Variants in CPNE4 observed in about 807,000 individuals in gnomAD.
The protein encoded by CPNE4 is copine-4.
A neutral mutation model predicts 67.9 loss-of-function variants in CPNE4; 25 were observed. The ratio of observed to expected loss-of-function variants is 0.37; its 90% CI spans 0.27 to 0.51. CPNE4 has a LOEUF of 0.51. Among genes scored for constraint, CPNE4 ranks in the 20% least tolerant of loss-of-function variants. The probability of loss-of-function intolerance (pLI) is 0.93; values close to 1 mark genes in which losing one functional copy is unlikely to be tolerated. For synonymous variants in CPNE4, 242 were observed against 244.9 expected, an observed-to-expected ratio of 0.99 and a Z score of 0.11; for missense variants, 464 against 690.8, an observed-to-expected ratio of 0.67 and a Z score of 3.68.
At chr3:131,607,669 A>G (rs1939585061) in intron 7 of CPNE4, among the ~76,000 whole-genome samples, 1 of 152,176 alleles carries the variant, frequency 6.6e-6, no homozygotes, top group South Asian at 2.1e-4. Context: ...GTGGCAAAGC[A>G]TTTTAAAAGT....
chr3:131,968,746 T>C (rs1450524389), intron 1 of CPNE4, among the ~76,000 whole-genome samples: 1 of 152,178 alleles, frequency 6.6e-6, no homozygotes, highest in Non-Finnish European at 1.5e-5. Context: ...AACACTTTTT[T>C]ACACTGTTGG....
At chr3:131,545,234 T>C (rs1273265565) in intron 14 of CPNE4, among the ~76,000 whole-genome samples, 1 of 152,220 alleles carries the variant, frequency 6.6e-6, no homozygotes, top group Non-Finnish European at 1.5e-5. Flanking sequence ...ACAAATATTA[T>C]TCTACTTTTG....
At chr3:131,956,574 AATGTAT>A (rs2071979590) in intron 1 of CPNE4, among the ~76,000 whole-genome samples, 1 of 144,010 alleles carries the variant, frequency 6.9e-6, no homozygotes, top group South Asian at 2.3e-4. Flanking sequence ...AATTATCATA[AATGTAT>A]AGAAAAATGT....
intron 5 of CPNE4, among the ~76,000 whole-genome samples, chr3:131,693,632 TTA>T (rs1391693115): frequency 1.3e-4 from 20 of 152,070 alleles, no homozygotes; most frequent in Non-Finnish European, 2.6e-4. Flanking sequence ...ATAAAGAAAA[TTA>T]TGTCTTGGCA....
In CPNE4 at chr3:131,995,984, A is replaced by G. The variant is rs536416252; in HGVS notation, c.-2+38583T>C. Among the ~76,000 whole-genome samples the G allele has an allele frequency of 3.4e-3, 525 of 152,322 alleles. 3 individuals carry two copies. The highest frequency in any genetic ancestry group is 0.012 in the African/African-American group (511 of 41,570). On this transcript the variant is annotated intron_variant, in intron 1 of 15. Transcript: ENST00000429747. ...TCACATGCATCACAGTTAGGACTCC[A>G]TGGCTCATGCTACTGAATTTAGAAG...
At chr3:131,874,278 C>CG (rs1317129984) in intron 2 of CPNE4, among the ~76,000 whole-genome samples, 2 of 152,144 alleles carry the variant, frequency 1.3e-5, no homozygotes, top group African/African-American at 2.4e-5. Context: ...TCAGTAGAGA[C>CG]GGGGTTGCAC....
At chr3:131,748,650 T>G (rs1223690774) in intron 2 of CPNE4, among the ~76,000 whole-genome samples, 1 of 152,124 alleles carries the variant, frequency 6.6e-6, no homozygotes, top group Non-Finnish European at 1.5e-5. Context: ...TTTGGGTTAA[T>G]TTTTGCAGTT....
At chr3:132,009,101 T>C (rs1269616217) in intron 1 of CPNE4, among the ~76,000 whole-genome samples, 1 of 152,104 alleles carries the variant, frequency 6.6e-6, no homozygotes, top group Non-Finnish European at 1.5e-5. Flanking sequence ...TAATAGAAGG[T>C]GGACTTCAGC....
At chr3:131,567,487 T>C (rs1220909795) in intron 10 of CPNE4, among the ~76,000 whole-genome samples, 2 of 151,986 alleles carry the variant, frequency 1.3e-5, no homozygotes, top group African/African-American at 4.8e-5. Context: ...AAGGAGGCAC[T>C]CACTCTCAGC....
intron 6 of CPNE4, among the ~76,000 whole-genome samples, chr3:131,670,150 G>T (rs1437458757): frequency 1.3e-5 from 2 of 152,188 alleles, no homozygotes; most frequent in East Asian, 3.9e-4. Flanking sequence ...CTTCTCTTGG[G>T]GTCAGCAAAG....
intron 7 of CPNE4, among the ~76,000 whole-genome samples, chr3:131,593,442 T>C (rs1412416207): frequency 1.5e-4 from 23 of 152,220 alleles, no homozygotes; most frequent in Non-Finnish European, 1.0e-4. Flanking sequence ...AAGTATTTTC[T>C]TAATTTCCTT....
intron 7 of CPNE4, among the ~76,000 whole-genome samples, chr3:131,667,311 TCC>T (rs1023479616): frequency 6.6e-6 from 1 of 152,212 alleles, no homozygotes; most frequent in Non-Finnish European, 1.5e-5. Context: ...TTAACAAGGC[TCC>T]CAGGTGACTC....
At chr3:131,554,251 C>T (rs190150182) in intron 12 of CPNE4, among the ~76,000 whole-genome samples, 1 of 152,224 alleles carries the variant, frequency 6.6e-6, no homozygotes, top group Non-Finnish European at 1.5e-5. Flanking sequence ...TATATCTCCT[C>T]AGCTCCAGCT....
At chr3:131,633,224 T>C (rs60699409) in intron 7 of CPNE4, among the ~76,000 whole-genome samples, 41,766 of 152,068 alleles carry the variant, frequency 0.27, 9,485 homozygotes, top group African/African-American at 0.63. Context: ...TAGTCCATTC[T>C]ACCATCATTT....
intron 1 of CPNE4, among the ~76,000 whole-genome samples, chr3:131,941,638 T>C (rs935948706): frequency 6.6e-6 from 1 of 152,086 alleles, no homozygotes. Flanking sequence ...TATTATAAAG[T>C]GATTCAATAA....
At chr3:131,568,139 T>G (rs1450811784) in intron 10 of CPNE4, among the ~76,000 whole-genome samples, 1 of 152,020 alleles carries the variant, frequency 6.6e-6, no homozygotes, top group East Asian at 1.9e-4. Flanking sequence ...TAAAAAAATT[T>G]TATCATGTGA....
intron 7 of CPNE4, among the ~76,000 whole-genome samples, chr3:131,633,196 T>C (rs2079279303): frequency 6.6e-6 from 1 of 152,176 alleles, no homozygotes; most frequent in Non-Finnish European, 1.5e-5. Context: ...CATCTCAACA[T>C]TTTCACCACT....
intron 1 of CPNE4, among the ~76,000 whole-genome samples, chr3:132,021,183 T>C (rs1289236000): frequency 6.6e-6 from 1 of 152,214 alleles, no homozygotes; most frequent in East Asian, 1.9e-4. Flanking sequence ...AGAATGGTCA[T>C]GCAAGAAGGA....
chr3:131,723,897 C>T (rs1430660211), intron 2 of CPNE4, among the ~76,000 whole-genome samples: 12 of 152,070 alleles, frequency 7.9e-5, no homozygotes, highest in Admixed American at 5.2e-4. Flanking sequence ...ATCATTATAT[C>T]ATTATGTCAT....
Sources: allele counts gnomAD v4.1 joint callset (sites outside exome capture counted in the v4.1 genomes callset), GRCh38; gene constraint gnomAD v4.1.1; transcripts MANE v1.5; gene names NCBI Gene and HGNC (gene_info 2026-07-23, HGNC 2026-07-21).